Variants in SH3GL2 observed in about 807,000 individuals in gnomAD.
The protein encoded by SH3GL2 is endophilin-A1.
SH3GL2 carries 24 observed loss-of-function variants against 46.0 expected under a neutral mutation model. That is an observed-to-expected ratio of 0.52 (90% CI 0.38 to 0.73). The LOEUF is 0.73. Among genes scored for constraint, SH3GL2 ranks in the 30% least tolerant of loss-of-function variants. SH3GL2 has a pLI of 0.00. For synonymous variants in SH3GL2, 196 were observed against 147.1 expected, an observed-to-expected ratio of 1.33 and a Z score of -2.40; for missense variants, 413 against 424.2, an observed-to-expected ratio of 0.97 and a Z score of 0.23.
chr9:17,579,138 GCACGAC>G lies in SH3GL2; in HGVS notation c.-102_-97del. ...CCTCGCGCCCATAGCCCCGGCGGCGGCACGACCAGAGGCGGCCAGGGGAGCGCGCCG... is the reference window on the plus strand; with the variant it reads ...CCTCGCGCCCATAGCCCCGGCGGCGGCAGAGGCGGCCAGGGGAGCGCGCCG... On this transcript the variant is annotated 5_prime_UTR_variant, in exon 1 of 9. Coordinates refer to ENST00000380607, the MANE Select transcript of SH3GL2 (RefSeq NM_003026.5). 1.4e-6 allele frequency: 1 copy of G among 725,472 alleles called. No individual in the cohort carries two copies. Among genetic ancestry groups the G allele is most frequent in the Non-Finnish European group, 2.1e-6 (1 of 487,022 alleles). 44.9% of individuals were successfully genotyped at this position (725,472 alleles called of 1,614,324 possible).
intron 1 of SH3GL2, among the ~76,000 whole-genome samples, chr9:17,650,386 T>C (rs897218767): frequency 1.3e-5 from 2 of 152,232 alleles, no homozygotes; most frequent in South Asian, 4.1e-4. Context: ...TGTTTGTTTT[T>C]TTTAAGACGG....
At chr9:17,656,413 C>T (rs2182086) in intron 1 of SH3GL2, among the ~76,000 whole-genome samples, 80,041 of 151,510 alleles carry the variant, frequency 0.53, 21,982 homozygotes, top group African/African-American at 0.66. Flanking sequence ...TTACTGGAGA[C>T]GAGAGTTCCA....
intron 2 of SH3GL2, among the ~76,000 whole-genome samples, chr9:17,757,245 A>T: frequency 6.6e-6 from 1 of 152,242 alleles, no homozygotes; most frequent in East Asian, 1.9e-4. Flanking sequence ...AGGCATGGGC[A>T]AGGCATTAGA....
At chr9:17,594,742 G>T (rs768631373) in intron 1 of SH3GL2, among the ~76,000 whole-genome samples, 3 of 152,124 alleles carry the variant, frequency 2.0e-5, no homozygotes, top group Non-Finnish European at 2.9e-5. Context: ...GTATCCTCTA[G>T]GGTGGGTATA....
At chr9:17,758,018 GCCT>G (rs1563842009) in intron 2 of SH3GL2, among the ~76,000 whole-genome samples, 1 of 152,116 alleles carries the variant, frequency 6.6e-6, no homozygotes, top group African/African-American at 2.4e-5. Flanking sequence ...AAATTAGTCA[GCCT>G]CCTACTGGCA....
Position 17,793,506 on chromosome 9 carries a change from T to C in SH3GL2, c.859+9T>C. The C allele has an allele frequency of 6.2e-7, 1 of 1,612,598 alleles. No individual in the cohort carries two copies. Among genetic ancestry groups the C allele is most frequent in the Non-Finnish European group, 8.5e-7 (1 of 1,179,458 alleles). ...CACTCCCAAACCTTCAGGTAAGAGC[T>C]GAAACTGCAGATCCTATTGCATAGC... On this transcript the variant is annotated intron_variant, in intron 8 of 8. Transcript: ENST00000380607.
chr9:17,777,531 A>C (rs747551563), intron 3 of SH3GL2, among the ~76,000 whole-genome samples: 11 of 152,178 alleles, frequency 7.2e-5, no homozygotes, highest in Non-Finnish European at 1.5e-4. Flanking sequence ...AAAATATCAT[A>C]AATAATAGAA....
At chr9:17,718,137 G>A (rs1821805498) in intron 1 of SH3GL2, among the ~76,000 whole-genome samples, 1 of 152,022 alleles carries the variant, frequency 6.6e-6, no homozygotes, top group African/African-American at 2.4e-5. Context: ...AACTCCAGAT[G>A]GCAGTTGTAA....
chr9:17,652,959 A>G (rs1819989599), intron 1 of SH3GL2, among the ~76,000 whole-genome samples: 1 of 151,954 alleles, frequency 6.6e-6, no homozygotes, highest in Non-Finnish European at 1.5e-5. Context: ...TTGGTCCTTT[A>G]TAATGTTTTT....
intron 5 of SH3GL2, 73 bp from the exon 6 acceptor site, chr9:17,789,319 A>G (rs1824055347): frequency 8.2e-6 from 10 of 1,224,820 alleles, no homozygotes; most frequent in Non-Finnish European, 1.2e-5. Context: ...AATGGACGTG[A>G]TGGAGAAGTG....
chr9:17,622,331 G>A (rs1819162401), intron 1 of SH3GL2, among the ~76,000 whole-genome samples: 1 of 152,132 alleles, frequency 6.6e-6, no homozygotes, highest in African/African-American at 2.4e-5. Flanking sequence ...TGTCTAAATG[G>A]GAGGATAGCT....
intron 1 of SH3GL2, among the ~76,000 whole-genome samples, chr9:17,615,825 C>A (rs73418665): frequency 0.012 from 1,787 of 151,644 alleles, 40 homozygotes; most frequent in African/African-American, 0.041. Flanking sequence ...TGCTAACTTT[C>A]TAGAACTCAG....
At chr9:17,795,086 C>G (rs916780656) in intron 8 of SH3GL2, among the ~76,000 whole-genome samples, 10 of 152,144 alleles carry the variant, frequency 6.6e-5, no homozygotes, top group Admixed American at 2.6e-4. Context: ...TAAAAGCATT[C>G]TCCATGTAAT....
chr9:17,632,125 C>T (rs1248961458), intron 1 of SH3GL2, among the ~76,000 whole-genome samples: 1 of 152,086 alleles, frequency 6.6e-6, no homozygotes, highest in Non-Finnish European at 1.5e-5. Flanking sequence ...GTTAGTGTAA[C>T]ACTAATTAGT....
intron 2 of SH3GL2, among the ~76,000 whole-genome samples, chr9:17,747,843 A>G (rs12236750): frequency 2.0e-5 from 3 of 151,366 alleles, no homozygotes; most frequent in Non-Finnish European, 4.4e-5. Context: ...CTGGCTAATT[A>G]TTGTATTTTT....
Position 17,698,429 on chromosome 9 carries a change from C to T in SH3GL2, c.46-48637C>T, listed in dbSNP as rs140339868. 6.6e-5 allele frequency among the ~76,000 whole-genome samples: 10 copies of T among 152,174 alleles called. No individual in the cohort carries two copies. In the East Asian group the frequency reaches 1.9e-3, roughly 29 times the overall value. ...GATGGATGGATATCTCGGTATCTGG[C>T]ATGTTATGGTGAGTGGGAGACAGCC... On this transcript the variant is annotated intron_variant, in intron 1 of 8. Transcript: ENST00000380607.
At chr9:17,624,525 T>TC (rs34482828) in intron 1 of SH3GL2, among the ~76,000 whole-genome samples, 132,096 of 151,736 alleles carry the variant, frequency 0.87, 58,141 homozygotes, top group Non-Finnish European at 0.94. Flanking sequence ...TCATATAATT[T>TC]TATTTATTTA....
At position 17,695,516 on chromosome 9, in the gene SH3GL2, A is replaced by G. The variant is rs3808705; in HGVS notation, c.46-51550A>G. On this transcript the variant is annotated intron_variant, in intron 1 of 8. Transcript: ENST00000380607. Reference sequence around the variant, plus strand: ...ACATAATCTCAGGGGAACAAATGCAATTGCTTAGATCTCAATATACTCCTC... The same window carrying G: ...ACATAATCTCAGGGGAACAAATGCAGTTGCTTAGATCTCAATATACTCCTC... 5.5e-4 allele frequency among the ~76,000 whole-genome samples: 83 copies of G among 152,246 alleles called. No individual in the cohort carries two copies. In the East Asian group the frequency reaches 0.015, roughly 27 times the overall value.
Position 17,738,556 on chromosome 9 carries a change from A to G in SH3GL2, c.46-8510A>G, listed in dbSNP as rs1225305388. Among the ~76,000 whole-genome samples the G allele has an allele frequency of 1.1e-4, 3 of 26,474 alleles. 1 individual carries two copies. The highest frequency in any genetic ancestry group is 4.8e-4 in the African/African-American group (3 of 6,220). The allele number at this position is 26,474 out of a possible 152,430, so 17.4% of individuals were successfully genotyped here. ...TACATATATACATAAGTGTGTGTGT[A>G]TATACATACATATATATATAGAGAG... is the stretch of plus-strand genomic sequence containing the variant. On this transcript the variant is annotated intron_variant, in intron 1 of 8. Transcript: ENST00000380607.
Sources: allele counts gnomAD v4.1 joint callset (sites outside exome capture counted in the v4.1 genomes callset), GRCh38; gene constraint gnomAD v4.1.1; transcripts MANE v1.5; gene names NCBI Gene and HGNC (gene_info 2026-07-23, HGNC 2026-07-21).